Variants in WRAP73 observed in about 807,000 individuals in gnomAD.
The protein encoded by WRAP73 is WD repeat containing, antisense to TP73.
In WRAP73, 55 loss-of-function variants were observed where a neutral mutation model predicts 59.6. The ratio of observed to expected loss-of-function variants is 0.92; its 90% CI spans 0.74 to 1.15. The LOEUF (loss-of-function observed/expected upper bound fraction) is 1.15, where lower values mean the gene tolerates loss of function less well. Ranked by LOEUF, WRAP73 falls within the 50% of genes most tolerant of loss-of-function variation. WRAP73 has a pLI of 0.00. For missense variants in WRAP73, 592 were observed against 608.1 expected (o/e 0.97, Z 0.28); for synonymous variants, 265 against 258.2 (o/e 1.03, Z -0.25).
In WRAP73 at chr1:3,631,576, C is replaced by CGCA; in HGVS notation, c.1127_1129dup (p.Val376_Arg377insLeu). ...CTGCTGCGGGTCCCACTGAAATGCG[C>CGCA]GCACTGGGGACAGCTGCTCGAGCAC... is the stretch of plus-strand genomic sequence containing the variant. On this transcript the variant is annotated inframe_insertion, in exon 11 of 12. Transcript: ENST00000270708. 1 of 1,610,088 alleles carries CGCA rather than the reference C, an allele frequency of 6.2e-7. No homozygotes were observed. Among genetic ancestry groups the CGCA allele is most frequent in the Non-Finnish European group, 8.5e-7 (1 of 1,179,864 alleles).
At position 3,637,033 on chromosome 1, in the gene WRAP73, C is replaced by T. The variant is rs1247376574; in HGVS notation, c.478G>A (p.Val160Met). 9 of 1,613,604 alleles carry T rather than the reference C, an allele frequency of 5.6e-6. No individual in the cohort carries two copies. Among genetic ancestry groups the T allele is most frequent in the Middle Eastern group, 1.6e-4 (1 of 6,082 alleles). The change falls in exon 5 of 12, where the codon GTG becomes ATG. Residue 160 changes from valine to methionine, a missense_variant. Physicochemically the swap from Val to Met is conservative, Grantham distance 21 (BLOSUM62 1). Coordinates refer to ENST00000270708, the MANE Select transcript of WRAP73 (RefSeq NM_017818.4). ...CAATCACTGCAGACGAAGATGCTCA[C>T]GTAATCTTTGCAGTCGCGCCGTTCT... ...LAERRDCKDY[V>M]SIFVCSDWQL...
In WRAP73 at chr1:3,631,123, G is replaced by A. The variant is rs1413649704; in HGVS notation, c.1241-6C>T. The A allele has an allele frequency of 1.2e-6, 2 of 1,613,142 alleles. No individual in the cohort carries two copies. The highest frequency in any genetic ancestry group is 1.6e-4 in the Middle Eastern group (1 of 6,062). On this transcript the variant is annotated splice_polypyrimidine_tract_variant and splice_region_variant and intron_variant, in intron 11 of 11. Coordinates refer to ENST00000270708, the MANE Select transcript of WRAP73 (RefSeq NM_017818.4). ...AGAGAGCACTGCAAAGTCGCCTAGAGAGAGACAGGTGGCCAGAGGATTACA... is the reference window on the plus strand; with the variant it reads ...AGAGAGCACTGCAAAGTCGCCTAGAAAGAGACAGGTGGCCAGAGGATTACA...
chr1:3,637,081 C>A lies in WRAP73; in HGVS notation c.430G>T (p.Asp144Tyr). Residue 144 changes from aspartate (D) to tyrosine (Y), a missense_variant, in exon 5 of 12, where the codon GAC becomes TAC. By Grantham distance (160) the Asp-to-Tyr change is radical. Coordinates refer to ENST00000270708, the MANE Select transcript of WRAP73 (RefSeq NM_017818.4). ...ACLQGITFTR[D>Y]GRYMALAERR... Reference sequence around the variant, plus strand: ...TCTGCCAGCGCCATGTAGCGGCCGTCCCTGGTGAAGGTGATTCCTGTGGGA... The same window carrying A: ...TCTGCCAGCGCCATGTAGCGGCCGTACCTGGTGAAGGTGATTCCTGTGGGA... 1 of 1,610,804 alleles carries A rather than the reference C, an allele frequency of 6.2e-7. No individual in the cohort carries two copies.
chr1:3,633,127 G>A, intron 9 of WRAP73: 1 of 415,686 alleles, frequency 2.4e-6, no homozygotes, highest in Non-Finnish European at 4.3e-6. Flanking sequence ...CATTCTCGGA[G>A]CTCCGGAAAA....
At position 3,635,254 on chromosome 1, in the gene WRAP73, GACA is replaced by G. The variant is rs1300303820; in HGVS notation, c.641_643del (p.Leu214del). ...GGACCACTCGTAAGCGCTGTACGTG[GACA>G]ACAACCGGCCATCCAATGAGTACAG... On this transcript the variant is annotated inframe_deletion, in exon 7 of 12. Transcript: ENST00000270708. 1.2e-6 allele frequency: 2 copies of G among 1,613,868 alleles called. No homozygotes were observed. The highest frequency in any genetic ancestry group is 2.7e-5 in the African/African-American group (2 of 74,934).
chr1:3,636,044 G>A lies in WRAP73; in HGVS notation c.517-14C>T, dbSNP rs759941166. ...CGTATCAAAATGCTTCCAAAGGAAGGGGGGGAAACATTAAATTTGGAAAAT... is the reference window on the plus strand; with the variant it reads ...CGTATCAAAATGCTTCCAAAGGAAGAGGGGGAAACATTAAATTTGGAAAAT... On this transcript the variant is annotated splice_polypyrimidine_tract_variant and intron_variant, in intron 5 of 11. Coordinates refer to ENST00000270708, the MANE Select transcript of WRAP73 (RefSeq NM_017818.4). The A allele has an allele frequency of 2.3e-5, 36 of 1,598,736 alleles. No individual in the cohort carries two copies. In the East Asian group the frequency reaches 3.3e-4, roughly 15 times the overall value.
intron 9 of WRAP73, 25 bp downstream of exon 9, chr1:3,633,373 A>C: frequency 6.3e-7 from 1 of 1,588,416 alleles, no homozygotes; most frequent in Non-Finnish European, 8.6e-7. Flanking sequence ...AAAGGAAAAC[A>C]AATGACATCA....
At chr1:3,633,083 G>T in intron 9 of WRAP73, 5 of 338,154 alleles carry the variant, frequency 1.5e-5, no homozygotes, top group South Asian at 1.3e-4. Flanking sequence ...CACTCTGAGC[G>T]CCACCCACGG....
rs1033917119 is a variant in WRAP73, at chr1:3,633,200, G to A, written c.922+198C>T. On this transcript the variant is annotated intron_variant, in intron 9 of 11. Transcript: ENST00000270708. ...CCAGGGCTCATATTCAGTAACAGAA[G>A]CCGCACCTTCACGGCCCACTGCGCA... 3 of 583,880 alleles carry A rather than the reference G, an allele frequency of 5.1e-6. No homozygotes were observed. In the African/African-American group the frequency reaches 5.7e-5, roughly 11 times the overall value. The allele number at this position is 583,880 out of a possible 1,614,324, so 36.2% of individuals were successfully genotyped here. A position where few individuals can be genotyped will look rare whatever the true frequency, so the allele number is the denominator to read the frequency against.
intron 9 of WRAP73, 98 bp downstream of exon 9, chr1:3,633,298 GTT>G (rs77717061): frequency 4.0e-6 from 4 of 1,010,810 alleles, no homozygotes; most frequent in African/African-American, 1.7e-5. Flanking sequence ...GGGAAAAAAA[GTT>G]TTTTTTTTTA....
chr1:3,645,940 T>C (rs981420973), intron 3 of WRAP73, among the ~76,000 whole-genome samples: 3 of 152,252 alleles, frequency 2.0e-5, no homozygotes, highest in Non-Finnish European at 1.5e-5. Flanking sequence ...CAGCGCATTT[T>C]CTATCGTTGA....
chr1:3,645,033 G>A (rs1356366570), intron 3 of WRAP73, among the ~76,000 whole-genome samples: 1 of 152,208 alleles, frequency 6.6e-6, no homozygotes, highest in African/African-American at 2.4e-5. Context: ...AATACATAGT[G>A]CGGAGACATT....
intron 3 of WRAP73, among the ~76,000 whole-genome samples, chr1:3,642,145 C>T (rs565606639): frequency 6.6e-6 from 1 of 152,208 alleles, no homozygotes; most frequent in East Asian, 1.9e-4. Flanking sequence ...GCCAGCTATA[C>T]AGGAGGCTGG....
At chr1:3,636,744 A>G in intron 5 of WRAP73, 1 of 535,808 alleles carries the variant, frequency 1.9e-6, no homozygotes, top group South Asian at 1.8e-5. Flanking sequence ...CACACAGGAC[A>G]AGGAAAAGGG....
Position 3,646,792 on chromosome 1 carries a change from G to A in WRAP73, c.223-10C>T, listed in dbSNP as rs1188535384. The A allele has an allele frequency of 6.2e-7, 1 of 1,607,602 alleles. No homozygotes were observed. Among genetic ancestry groups the A allele is most frequent in the Non-Finnish European group, 8.5e-7 (1 of 1,176,958 alleles). ...GCTCTAAAGACCAGACCTGGATTGA[G>A]AGAAGAAAGAAACACACAAGTGCAA... On this transcript the variant is annotated splice_polypyrimidine_tract_variant and intron_variant, in intron 2 of 11. Transcript: ENST00000270708. This position sits in a 1 kb window ranked among gnomAD's most constrained non-coding sequence, Gnocchi z 5.1.
At chr1:3,640,984 T>C (rs1031210825) in intron 3 of WRAP73, among the ~76,000 whole-genome samples, 1 of 152,210 alleles carries the variant, frequency 6.6e-6, no homozygotes. Flanking sequence ...TTTACCTTCA[T>C]CTCACAAAAA....
rs1192863347 is a variant in WRAP73 at position 3,639,212 on chromosome 1, G to C, written c.340-390C>G. The C allele has an allele frequency of 4.9e-6, 1 of 204,456 alleles. No individual in the cohort carries two copies. Among genetic ancestry groups the C allele is most frequent in the African/African-American group, 2.4e-5 (1 of 42,244 alleles). The allele number at this position is 204,456 out of a possible 1,614,324, so 12.7% of individuals were successfully genotyped here. ...TTTATGGGAAGACAGAGGATCTGGA[G>C]ATTGGATGCAGCCACTCCGGGACTC... On this transcript the variant is annotated intron_variant, in intron 3 of 11. Transcript: ENST00000270708. This position sits in a 1 kb window ranked among gnomAD's most constrained non-coding sequence, Gnocchi z 4.3.
rs372584525 is a variant in WRAP73 at position 3,637,132 on chromosome 1, G to A, written c.413-34C>T. The A allele has an allele frequency of 7.2e-5, 112 of 1,558,994 alleles. 1 individual carries two copies. Among genetic ancestry groups the A allele is most frequent in the East Asian group, 4.2e-4 (18 of 42,952 alleles). ...AGAGGCAAATGCACTGAAATCAAGC[G>A]GCCACAAAATCAAGCAAGAGAAACC... On this transcript the variant is annotated intron_variant, in intron 4 of 11. Coordinates refer to ENST00000270708, the MANE Select transcript of WRAP73 (RefSeq NM_017818.4).
chr1:3,634,835 C>G, intron 8 of WRAP73, 162 bp downstream of exon 8: 1 of 881,944 alleles, frequency 1.1e-6, no homozygotes, highest in Non-Finnish European at 1.8e-6. Flanking sequence ...GAACAAAGGC[C>G]AGGGCAGGGC....
Sources: gnomAD v4.1 joint callset for allele counts (sites outside exome capture counted in the v4.1 genomes callset) on GRCh38, gnomAD v4.1.1 for gene constraint, Gnocchi (gnomAD v3.1) non-coding constraint, MANE v1.5 for transcripts, NCBI Gene and HGNC (gene_info 2026-07-23, HGNC 2026-07-21) for gene names.